The following PCDHA6 variants were observed in gnomAD, a reference collection of about 807,000 sequenced individuals.
PCDHA6 encodes protocadherin alpha 6, also known as protocadherin alpha-6.
Under a neutral mutation model 60.3 loss-of-function variants are expected in PCDHA6, and 55 were observed. The ratio of observed to expected loss-of-function variants is 0.91; its 90% CI spans 0.73 to 1.14. PCDHA6 has a LOEUF of 1.14. Among genes scored for constraint, PCDHA6 ranks in the 50% most tolerant of loss-of-function variants. The pLI, the probability that PCDHA6 is intolerant of heterozygous loss-of-function variation, is 0.00. For missense variants in PCDHA6, 1,327 were observed against 1,256.5 expected, an observed-to-expected ratio of 1.06 and a Z score of -0.85; for synonymous variants, 652 against 557.9, an observed-to-expected ratio of 1.17 and a Z score of -2.38.
At position 140,829,922 on chromosome 5, in the gene PCDHA6, C is replaced by T. The variant is rs2150177863; in HGVS notation, c.1831C>T (p.Leu611=). The T allele has an allele frequency of 3.7e-6, 6 of 1,614,010 alleles. No homozygotes were observed. The Middle Eastern group carries it at 5.0e-4, about 133-fold the overall frequency. The change falls in exon 1 of 4, where the codon CTG becomes TTG. Residue 611 remains leucine (L), a synonymous_variant. Transcript: ENST00000529310. ...CTACAACGCGTGGCTTTCGTATGAG[C>T]TGCAGCCCCCGGCAAGCAGCGCTCG... is the stretch of plus-strand genomic sequence containing the variant. ...SGYNAWLSYE[L]QPPASSARFP...
chr5:140,893,667 A>C (rs564806011), intron 1 of PCDHA6, among the ~76,000 whole-genome samples: 4 of 152,316 alleles, frequency 2.6e-5, no homozygotes, highest in African/African-American at 9.6e-5. Flanking sequence ...AAAAAATTTC[A>C]GCACTTTGGA....
At chr5:141,004,839 C>G (rs1168305271) in intron 3 of PCDHA6, among the ~76,000 whole-genome samples, 1 of 152,168 alleles carries the variant, frequency 6.6e-6, no homozygotes, top group Non-Finnish European at 1.5e-5. Context: ...AGATCAAAGT[C>G]ATTAGTCTCA....
rs2045560608 is a variant in PCDHA6 at position 140,858,685 on chromosome 5, T to G, written c.2394+28200T>G. The G allele has an allele frequency of 1.3e-5, 8 of 595,874 alleles. No homozygotes were observed. The South Asian group carries it at 1.9e-4, about 14-fold the overall frequency. 36.9% of individuals were successfully genotyped at this position (595,874 alleles called of 1,614,324 possible). On this transcript the variant is annotated intron_variant, in intron 1 of 3. Transcript: ENST00000529310. ...TAACAATTTATTCTGAATACACTAA[T>G]ATTTTCCAATACAAATATGTGATAT... is the stretch of plus-strand genomic sequence containing the variant.
At chr5:140,982,348 T>A (rs1253085859) in intron 2 of PCDHA6, 127 bp from the exon 3 acceptor site, 1 of 1,496,080 alleles carries the variant, frequency 6.7e-7, no homozygotes, top group East Asian at 2.4e-5. Flanking sequence ...TTGCTTCAGT[T>A]CAAGCATGAG....
intron 3 of PCDHA6, among the ~76,000 whole-genome samples, chr5:141,000,371 C>G (rs868969531): frequency 6.1e-5 from 3 of 49,260 alleles, no homozygotes; most frequent in Admixed American, 2.7e-4. Flanking sequence ...GTCTCTCTCT[C>G]TCTCTCTCTC....
chr5:140,863,062 G>C (rs62384481), intron 1 of PCDHA6: 2 of 565,590 alleles, frequency 3.5e-6, no homozygotes, highest in African/African-American at 3.8e-5. Flanking sequence ...CCCGTTCCAC[G>C]TGGGGCTCTG....
At chr5:140,968,210 A>T (rs376166734) in intron 1 of PCDHA6, 4 of 1,613,882 alleles carry the variant, frequency 2.5e-6, no homozygotes, top group Non-Finnish European at 3.4e-6. Flanking sequence ...ACAGGAGAAC[A>T]ATTTGCCAGG....
chr5:140,851,444 A>G (rs1182271875), intron 1 of PCDHA6: 1 of 917,790 alleles, frequency 1.1e-6, no homozygotes, highest in Non-Finnish European at 1.3e-6. Context: ...CAGTTGCTCC[A>G]CTTTAGGAAT....
intron 1 of PCDHA6, chr5:140,857,079 A>C: frequency 6.3e-7 from 1 of 1,597,252 alleles, no homozygotes; most frequent in African/African-American, 1.3e-5. Flanking sequence ...GATGAAAATG[A>C]TAATTCACCT....
chr5:140,984,056 G>T (rs569184437), intron 3 of PCDHA6, among the ~76,000 whole-genome samples: 1 of 152,200 alleles, frequency 6.6e-6, no homozygotes, highest in Non-Finnish European at 1.5e-5. Context: ...TGACAAATCT[G>T]TACCCTCAGT....
intron 1 of PCDHA6, chr5:140,852,001 C>G (rs2042214693): frequency 1.0e-6 from 1 of 975,480 alleles, no homozygotes; most frequent in East Asian, 1.1e-4. Context: ...TGTTTGTTTT[C>G]TAATTTATAG....
chr5:140,869,309 A>T, intron 1 of PCDHA6: 1 of 1,613,682 alleles, frequency 6.2e-7, no homozygotes, highest in Non-Finnish European at 8.5e-7. Context: ...GTGGCGTCCA[A>T]AACACATGGG....
intron 1 of PCDHA6, chr5:140,848,442 T>C: frequency 1.3e-6 from 2 of 1,489,558 alleles, no homozygotes; most frequent in Non-Finnish European, 1.8e-6. Context: ...ATCAGATGAT[T>C]TCTTCTAATT....
intron 1 of PCDHA6, chr5:140,875,557 G>C: frequency 5.6e-6 from 9 of 1,614,064 alleles, no homozygotes; most frequent in Non-Finnish European, 7.6e-6. Flanking sequence ...GGTGGGGAGC[G>C]GCCAGCTCCA....
In PCDHA6 at chr5:141,011,225, A is replaced by G. The variant is rs962544716; in HGVS notation, c.*1288A>G. ...ATACAGTGAGCAGATTTTTCAATCT[A>G]CTAATTCTGTGACTTGTCTTGGTGT... On this transcript the variant is annotated 3_prime_UTR_variant, in exon 4 of 4. Transcript: ENST00000529310. 6.5e-6 allele frequency: 1 copy of G among 153,740 alleles called. No homozygotes were observed. Among genetic ancestry groups the G allele is most frequent in the South Asian group, 2.1e-4 (1 of 4,826 alleles). The allele number at this position is 153,740 out of a possible 1,614,324, so 9.5% of individuals were successfully genotyped here.
chr5:140,836,704 C>T (rs189142588), intron 1 of PCDHA6: 1 of 1,613,294 alleles, frequency 6.2e-7, no homozygotes, highest in Admixed American at 1.7e-5. Flanking sequence ...GCCTTCAGTC[C>T]CAGCCTTCCT....
rs782564746 is a variant in PCDHA6 at position 140,871,379 on chromosome 5, C to T, written c.2394+40894C>T. 2.2e-5 allele frequency: 36 copies of T among 1,614,072 alleles called. No homozygotes were observed. Among genetic ancestry groups the T allele is most frequent in the Non-Finnish European group, 2.8e-5 (33 of 1,180,034 alleles). On this transcript the variant is annotated intron_variant, in intron 1 of 3. Transcript: ENST00000529310. ...CAGCAGAGGCGGCAGAGGGTGTGCT[C>T]TGAGGAGGGCCCACCTAAGACGGAC...
chr5:140,922,162 A>G (rs2080680842), intron 1 of PCDHA6, among the ~76,000 whole-genome samples: 1 of 146,764 alleles, frequency 6.8e-6, no homozygotes, highest in African/African-American at 2.5e-5. Flanking sequence ...AAAAACAACA[A>G]AAAGTACAGC....
rs1777975197 is a variant in PCDHA6 at position 140,842,460 on chromosome 5, G to C, written c.2394+11975G>C. On this transcript the variant is annotated intron_variant, in intron 1 of 3. Coordinates refer to ENST00000529310, the MANE Select transcript of PCDHA6 (RefSeq NM_018909.4). ...ATTAGCGTGAACGACCTCGATTCAGGTGCCAACGGGCAGGTGACCTGCTCC... is the reference window on the plus strand; with the variant it reads ...ATTAGCGTGAACGACCTCGATTCAGCTGCCAACGGGCAGGTGACCTGCTCC... 1 of 1,613,782 alleles carries C rather than the reference G, an allele frequency of 6.2e-7. No homozygotes were observed. The highest frequency in any genetic ancestry group is 1.1e-5 in the South Asian group (1 of 91,070).
Sources: allele counts gnomAD v4.1 joint callset (sites outside exome capture counted in the v4.1 genomes callset), GRCh38; gene constraint gnomAD v4.1.1; transcripts MANE v1.5; gene names NCBI Gene and HGNC (gene_info 2026-07-23, HGNC 2026-07-21).